The following ABAT variants were observed in gnomAD, a reference collection of about 807,000 sequenced individuals.
The protein encoded by ABAT is 4-aminobutyrate aminotransferase, mitochondrial.
Under a neutral mutation model 64.6 loss-of-function variants are expected in ABAT, and 45 were observed. That is an observed-to-expected ratio of 0.70 (90% confidence interval 0.55 to 0.89). The LOEUF is 0.89. ABAT is among the 40% of genes least tolerant of loss of function. The probability of loss-of-function intolerance (pLI) is 0.00; values close to 1 mark genes in which losing one functional copy is unlikely to be tolerated. For missense variants in ABAT, 633 were observed against 658.4 expected, an observed-to-expected ratio of 0.96 and a Z score of 0.42; for synonymous variants, 297 against 250.5, an observed-to-expected ratio of 1.19 and a Z score of -1.75.
At chr16:8,688,186 C>T (rs201529015) in intron 1 of ABAT, among the ~76,000 whole-genome samples, 61 of 152,068 alleles carry the variant, frequency 4.0e-4, no homozygotes, top group African/African-American at 1.2e-3. Flanking sequence ...CCACCGCACC[C>T]GGCCAAAAGT....
At chr16:8,751,468 A>G (rs1183421802) in intron 5 of ABAT, among the ~76,000 whole-genome samples, 1 of 152,118 alleles carries the variant, frequency 6.6e-6, no homozygotes, top group Non-Finnish European at 1.5e-5. Flanking sequence ...AGCCTGGGGC[A>G]GGGGGAATAA....
At chr16:8,774,861 T>C (rs2060220036) in intron 12 of ABAT, 29 bp from the exon 13 acceptor site, 7 of 1,612,552 alleles carry the variant, frequency 4.3e-6, no homozygotes, top group Middle Eastern at 4.0e-4. Context: ...CGGGTGTTTA[T>C]TTCTCCCTCC....
At chr16:8,696,733 A>C (rs1199615170) in intron 1 of ABAT, among the ~76,000 whole-genome samples, 1 of 152,094 alleles carries the variant, frequency 6.6e-6, no homozygotes, top group Non-Finnish European at 1.5e-5. Context: ...CCATTACAGG[A>C]GTGAATAGGA....
chr16:8,699,229 T>C lies in ABAT; in HGVS notation c.-42+24518T>C, dbSNP rs8061555. 5.0e-3 allele frequency among the ~76,000 whole-genome samples: 762 copies of C among 152,134 alleles called. 11 individuals carry two copies. Among genetic ancestry groups the C allele is most frequent in the African/African-American group, 0.018 (732 of 41,514 alleles). On this transcript the variant is annotated intron_variant, in intron 1 of 15. Coordinates refer to ENST00000268251, the MANE Select transcript of ABAT (RefSeq NM_020686.6). Reference sequence around the variant, plus strand: ...ACTACTAGGTCACAGAGGGAAGAGATTGGGGAGGGGAGATGCTGTTGCGGC... The same window carrying C: ...ACTACTAGGTCACAGAGGGAAGAGACTGGGGAGGGGAGATGCTGTTGCGGC...
rs781160646 is a variant in ABAT, at chr16:8,776,524, C to G, written c.1269+34C>G. 2 of 1,555,614 alleles carry G rather than the reference C, an allele frequency of 1.3e-6. No homozygotes were observed. The highest frequency in any genetic ancestry group is 3.8e-5 in the Admixed American group (2 of 52,284). On this transcript the variant is annotated intron_variant, in intron 14 of 15. Transcript: ENST00000268251. This position sits in a 1 kb window ranked among gnomAD's most constrained non-coding sequence, Gnocchi z 4.4. ...CCCTCCCCTGCCCCGCCCCCACCAC[C>G]CATGGCTCCCCGCAGCAGCCTCCGG...
chr16:8,745,036 G>T (rs1439401435), intron 2 of ABAT, among the ~76,000 whole-genome samples: 1 of 152,096 alleles, frequency 6.6e-6, no homozygotes, highest in Non-Finnish European at 1.5e-5. Flanking sequence ...TGCCCAGGCT[G>T]AAGTGCTGTA....
intron 1 of ABAT, chr16:8,720,830 G>T (rs922283567): frequency 5.3e-5 from 8 of 152,270 alleles, no homozygotes; most frequent in African/African-American, 1.2e-4. Context: ...ATAGGAAAAT[G>T]AGAGGCAGGG....
rs377682489 is a variant in ABAT at position 8,698,705 on chromosome 16, G to T, written c.-42+23994G>T. Among the ~76,000 whole-genome samples the T allele has an allele frequency of 1.6e-4, 24 of 152,298 alleles. No individual in the cohort carries two copies. The South Asian group carries it at 4.8e-3, about 30-fold the overall frequency. ...TATGCCTGTAATCCCAGCACTTTGGGAGGCCAAGGTGGGCAGATCACGTGA... is the reference window on the plus strand; with the variant it reads ...TATGCCTGTAATCCCAGCACTTTGGTAGGCCAAGGTGGGCAGATCACGTGA... On this transcript the variant is annotated intron_variant, in intron 1 of 15. Transcript: ENST00000268251.
intron 1 of ABAT, among the ~76,000 whole-genome samples, chr16:8,728,860 A>G (rs1731082): frequency 0.65 from 98,275 of 151,926 alleles, 32,278 homozygotes; most frequent in Admixed American, 0.72. Context: ...GCAACAGAAC[A>G]AGACTCCATC....
At chr16:8,712,674 C>A (rs1199263364) in intron 1 of ABAT, among the ~76,000 whole-genome samples, 4 of 152,134 alleles carry the variant, frequency 2.6e-5, no homozygotes, top group Non-Finnish European at 5.9e-5. Context: ...TGGGGGCTGA[C>A]GTTTCTCCCT....
chr16:8,759,535 CAG>C (rs2059738147), intron 6 of ABAT, among the ~76,000 whole-genome samples: 1 of 151,998 alleles, frequency 6.6e-6, no homozygotes, highest in Non-Finnish European at 1.5e-5. Flanking sequence ...TTTCTTGAGA[CAG>C]AGTCTTGCTC....
At chr16:8,676,469 G>C (rs185472848) in intron 1 of ABAT, among the ~76,000 whole-genome samples, 3 of 152,200 alleles carry the variant, frequency 2.0e-5, no homozygotes, top group Admixed American at 1.3e-4. Context: ...AAGCGCCAAG[G>C]CTCTGCAAAG....
At position 8,735,802 on chromosome 16, in the gene ABAT, G is replaced by T. The variant is rs773032873; in HGVS notation, c.63G>T (p.Leu21=). Residue 21 remains leucine (L), a synonymous_variant, in exon 2 of 16, where the codon CTG becomes CTT. Coordinates refer to ENST00000268251, the MANE Select transcript of ABAT (RefSeq NM_020686.6). ...ACSFQHSYRL[L]VPGSRHISQA... is the part of the protein sequence containing the mutation. ...GCTTCCAGCACAGCTACCGCCTGCTGGTGCCTGGTAAGCCCCGGGGGTCTT... is the reference window on the plus strand; with the variant it reads ...GCTTCCAGCACAGCTACCGCCTGCTTGTGCCTGGTAAGCCCCGGGGGTCTT... The T allele has an allele frequency of 2.5e-6, 4 of 1,603,944 alleles. No individual in the cohort carries two copies. The South Asian group carries it at 4.5e-5, about 18-fold the overall frequency.
chr16:8,709,017 G>A (rs1429881836), intron 1 of ABAT, among the ~76,000 whole-genome samples: 1 of 152,106 alleles, frequency 6.6e-6, no homozygotes, highest in Non-Finnish European at 1.5e-5. Context: ...ATCTGAATGG[G>A]GGTGTGCCGT....
chr16:8,719,726 C>T (rs2058312044), intron 1 of ABAT, among the ~76,000 whole-genome samples: 2 of 152,048 alleles, frequency 1.3e-5, no homozygotes, highest in Non-Finnish European at 2.9e-5. Context: ...GACCTTGTCT[C>T]TCCCTGTCTA....
At chr16:8,713,301 T>G (rs963957134) in intron 1 of ABAT, 1 of 149,882 alleles carries the variant, frequency 6.7e-6, no homozygotes, top group Admixed American at 6.7e-5. Context: ...AAAAAAAATC[T>G]AGGAAGAGGC....
At chr16:8,779,620 C>T (rs1230276468) in intron 15 of ABAT, 30 bp downstream of exon 15, 2 of 1,568,164 alleles carry the variant, frequency 1.3e-6, no homozygotes, top group East Asian at 4.5e-5. Context: ...TGCTGAGTTT[C>T]ATGAGCATCC....
At chr16:8,705,621 G>C (rs1368357938) in intron 1 of ABAT, 1 of 152,214 alleles carries the variant, frequency 6.6e-6, no homozygotes, top group African/African-American at 2.4e-5. Context: ...GAGAGAGAGA[G>C]CCAGGGGTGA....
At chr16:8,727,189 T>G (rs1015998893) in intron 1 of ABAT, among the ~76,000 whole-genome samples, 7 of 152,160 alleles carry the variant, frequency 4.6e-5, no homozygotes, top group African/African-American at 1.7e-4. Context: ...GACAGACCCT[T>G]CTGGATGCAA....
Sources: allele counts gnomAD v4.1 joint callset (sites outside exome capture counted in the v4.1 genomes callset), GRCh38; gene constraint gnomAD v4.1.1; non-coding constraint Gnocchi (gnomAD v3.1); transcripts MANE v1.5; gene names NCBI Gene and HGNC (gene_info 2026-07-23, HGNC 2026-07-21).